CCDC167: variants seen among roughly 807,000 people sequenced by gnomAD.
The protein encoded by CCDC167 is coiled-coil domain containing 167, also known as coiled-coil domain-containing protein 167.
In CCDC167, 15 loss-of-function variants were observed where a neutral mutation model predicts 12.7. The ratio of observed to expected loss-of-function variants is 1.18; its 90% CI spans 0.79 to 1.81. The LOEUF (loss-of-function observed/expected upper bound fraction) is 1.81. Among genes scored for constraint, CCDC167 ranks in the 40% most tolerant of loss-of-function variants. CCDC167 has a pLI of 0.00. For missense variants in CCDC167, 121 were observed against 120.1 expected (o/e 1.01, Z -0.03); for synonymous variants, 52 against 49.0 (o/e 1.06, Z -0.26).
At chr6:37,495,554 A>T (rs1259627722) in intron 1 of CCDC167, among the ~76,000 whole-genome samples, 1 of 152,200 alleles carries the variant, frequency 6.6e-6, no homozygotes, top group Non-Finnish European at 1.5e-5. Context: ...TAAAACTCAC[A>T]GTTTTTTCCA....
intron 1 of CCDC167, among the ~76,000 whole-genome samples, 170 bp downstream of exon 1, chr6:37,499,652 C>G (rs774757493): frequency 6.6e-6 from 1 of 152,134 alleles, no homozygotes; most frequent in Non-Finnish European, 1.5e-5. Flanking sequence ...GCTCCCTGTC[C>G]TCCGGGAACC....
At chr6:37,489,396 T>G (rs931202659) in intron 1 of CCDC167, among the ~76,000 whole-genome samples, 5 of 152,134 alleles carry the variant, frequency 3.3e-5, no homozygotes, top group Admixed American at 6.5e-5. Context: ...CCAGGGTAGA[T>G]GTCAGAACAA....
chr6:37,499,431 C>T (rs1427893307), intron 1 of CCDC167, among the ~76,000 whole-genome samples: 1 of 152,152 alleles, frequency 6.6e-6, no homozygotes, highest in Non-Finnish European at 1.5e-5. Context: ...AGTCCTAGCC[C>T]TTTGGGAGTT....
chr6:37,488,735 T>C (rs1761977214), intron 1 of CCDC167, among the ~76,000 whole-genome samples: 1 of 152,244 alleles, frequency 6.6e-6, no homozygotes, highest in South Asian at 2.1e-4. Flanking sequence ...TTGACTCACG[T>C]GTAAAACAAA....
At chr6:37,495,515 TTTCTTA>T (rs1762087286) in intron 1 of CCDC167, among the ~76,000 whole-genome samples, 1 of 152,248 alleles carries the variant, frequency 6.6e-6, no homozygotes, top group Admixed American at 6.5e-5. Flanking sequence ...ATAATTTTCT[TTTCTTA>T]TTAAGAATGA....
intron 1 of CCDC167, among the ~76,000 whole-genome samples, chr6:37,494,912 G>A (rs1475037577): frequency 6.8e-6 from 1 of 146,084 alleles, no homozygotes; most frequent in East Asian, 2.0e-4. Context: ...CAATTCTCCT[G>A]CCTCAGCCTC....
chr6:37,489,575 T>C (rs1186848338), intron 1 of CCDC167, among the ~76,000 whole-genome samples: 1 of 151,898 alleles, frequency 6.6e-6, no homozygotes, highest in East Asian at 1.9e-4. Flanking sequence ...ATGTCCAAGG[T>C]GGAACAGCCT....
intron 1 of CCDC167, among the ~76,000 whole-genome samples, chr6:37,494,630 T>C (rs1376472029): frequency 6.6e-6 from 1 of 152,114 alleles, no homozygotes; most frequent in South Asian, 2.1e-4. Flanking sequence ...TTATGCTTTG[T>C]TGATAAAAGG....
chr6:37,496,644 T>C (rs1332023990), intron 1 of CCDC167, among the ~76,000 whole-genome samples: 1 of 152,168 alleles, frequency 6.6e-6, no homozygotes. Flanking sequence ...GGAGCTACCA[T>C]GTATTGATTA....
chr6:37,492,913 G>C (rs1371031560), intron 1 of CCDC167, among the ~76,000 whole-genome samples: 1 of 152,140 alleles, frequency 6.6e-6, no homozygotes, highest in African/African-American at 2.4e-5. Flanking sequence ...ACCCCAAGGG[G>C]CCCATTATCC....
intron 1 of CCDC167, among the ~76,000 whole-genome samples, chr6:37,487,696 A>G (rs901538116): frequency 1.3e-5 from 2 of 152,212 alleles, no homozygotes; most frequent in African/African-American, 4.8e-5. Context: ...CCAGGAACTC[A>G]TGCTAAGCAA....
In CCDC167 at chr6:37,492,791, T is replaced by C. The variant is rs1344884295; in HGVS notation, c.42+7031A>G. ...ATAATGGGTAAAGCAGCCAAGTGCC[T>C]GCCCAGATGGTCTCTGGCAAGAGTG... On this transcript the variant is annotated intron_variant, in intron 1 of 3. Coordinates refer to ENST00000373408, the MANE Select transcript of CCDC167 (RefSeq NM_138493.3). Among the ~76,000 whole-genome samples, 3 of 152,254 alleles carry C rather than the reference T, an allele frequency of 2.0e-5. 1 individual carries two copies. In the East Asian group the frequency reaches 5.8e-4, roughly 29 times the overall value.
intron 1 of CCDC167, among the ~76,000 whole-genome samples, chr6:37,491,862 A>C (rs1197608148): frequency 6.6e-6 from 1 of 152,234 alleles, no homozygotes; most frequent in Non-Finnish European, 1.5e-5. Context: ...GAGGGGACTC[A>C]GACATAGGTA....
At position 37,495,673 on chromosome 6, in the gene CCDC167, T is replaced by G. The variant is rs1053959755; in HGVS notation, c.42+4149A>C. On this transcript the variant is annotated intron_variant, in intron 1 of 3. Coordinates refer to ENST00000373408, the MANE Select transcript of CCDC167 (RefSeq NM_138493.3). ...CCTGGTTGTCCTAAGAGGTGGCTGC[T>G]TATACAGCTGGCCCAAGCCAGCCCT... 2.6e-5 allele frequency among the ~76,000 whole-genome samples: 4 copies of G among 152,348 alleles called. No homozygotes were observed. The East Asian group carries it at 7.7e-4, about 29-fold the overall frequency.
chr6:37,483,188 A>C lies in CCDC167; in HGVS notation c.292T>G (p.Ter98GlyextTer16), dbSNP rs899273132. 6.2e-7 allele frequency: 1 copy of C among 1,612,012 alleles called. No homozygotes were observed. Reference sequence around the variant, plus strand: ...CTGGTTGTGGGGAAGTGCCAGGCTCACATGGTCCAGTAGGCATAGACGAGC... The same window carrying C: ...CTGGTTGTGGGGAAGTGCCAGGCTCCCATGGTCCAGTAGGCATAGACGAGC... ...LTLVYAYWTM[*>G] Residue 98 changes from the stop codon to glycine (G), a stop_lost, in exon 4 of 4, where the codon TGA (stop) becomes GGA (glycine). Coordinates refer to ENST00000373408, the MANE Select transcript of CCDC167 (RefSeq NM_138493.3).
intron 1 of CCDC167, among the ~76,000 whole-genome samples, chr6:37,494,856 G>A (rs1279937463): frequency 1.5e-5 from 2 of 136,548 alleles, no homozygotes; most frequent in Non-Finnish European, 3.0e-5. Flanking sequence ...CTGGAGTGCA[G>A]TGGCACGATC....
chr6:37,487,562 C>T (rs1761960734), intron 1 of CCDC167, among the ~76,000 whole-genome samples: 4 of 152,228 alleles, frequency 2.6e-5, no homozygotes, highest in African/African-American at 9.6e-5. Context: ...CCTTAACAGT[C>T]CTTGAGCCAG....
At chr6:37,486,671 C>T (rs567547954) in intron 1 of CCDC167, among the ~76,000 whole-genome samples, 2 of 152,174 alleles carry the variant, frequency 1.3e-5, no homozygotes, top group Non-Finnish European at 2.9e-5. Flanking sequence ...TTAATTGTGT[C>T]GTTTCTCTGC....
rs1388110150 is a variant in CCDC167 at position 37,484,858 on chromosome 6, ACCT to A, written c.139_141del (p.Arg47del). The A allele has an allele frequency of 6.2e-7, 1 of 1,613,938 alleles. No individual in the cohort carries two copies. Among genetic ancestry groups the A allele is most frequent in the South Asian group, 1.1e-5 (1 of 91,078 alleles). The stretch of plus-strand genomic sequence containing the variant: ...AGGCTGTTTTTCTCCTTCTCCAGGG[ACCT>A]CCTGTGAGGGGAAAGGAGCTTCATG... On this transcript the variant is annotated inframe_deletion and splice_region_variant, in exon 3 of 4. Transcript: ENST00000373408.
Sources: allele counts gnomAD v4.1 joint callset (sites outside exome capture counted in the v4.1 genomes callset), GRCh38; gene constraint gnomAD v4.1.1; transcripts MANE v1.5; gene names NCBI Gene and HGNC (gene_info 2026-07-23, HGNC 2026-07-21).